The following KIRREL3 variants were observed in gnomAD, a reference collection of about 807,000 sequenced individuals.
The protein encoded by KIRREL3 is kirre like nephrin family adhesion molecule 3.
KIRREL3 carries 36 observed loss-of-function variants against 89.7 expected under a neutral mutation model. The observed-to-expected ratio is 0.40, with a 90% CI of 0.31 to 0.53. The LOEUF is 0.53. Ranked by LOEUF, KIRREL3 falls within the 20% of genes least tolerant of loss-of-function variation. KIRREL3 has a pLI of 0.49. For synonymous variants in KIRREL3, 445 were observed against 441.4 expected, an observed-to-expected ratio of 1.01 and a Z score of -0.10; for missense variants, 864 against 1,056.6, an observed-to-expected ratio of 0.82 and a Z score of 2.53.
rs1179901023 is a variant in KIRREL3 at position 126,985,069 on chromosome 11, T to C, written c.55+15386A>G. 6.6e-6 allele frequency among the ~76,000 whole-genome samples: 1 copy of C among 152,144 alleles called. No homozygotes were observed. Among genetic ancestry groups the C allele is most frequent in the African/African-American group, 2.4e-5 (1 of 41,436 alleles). On this transcript the variant is annotated intron_variant, in intron 1 of 16. Coordinates refer to ENST00000525144, the MANE Select transcript of KIRREL3 (RefSeq NM_032531.4). The surrounding 1 kb of genome is among the most constrained non-coding windows in gnomAD (Gnocchi z 5.3). ...AGTGTTCTGGAACTATGAAATACTA[T>C]ACACATGCAAGGAAGGATTAAATTA...
Position 126,684,156 on chromosome 11 carries a change from G to A in KIRREL3, c.56-121244C>T, listed in dbSNP as rs1946579373. 6.6e-6 allele frequency among the ~76,000 whole-genome samples: 1 copy of A among 152,224 alleles called. No individual in the cohort carries two copies. Among genetic ancestry groups the A allele is most frequent in the African/African-American group, 2.4e-5 (1 of 41,458 alleles). On this transcript the variant is annotated intron_variant, in intron 1 of 16. Transcript: ENST00000525144. The surrounding 1 kb of genome is among the most constrained non-coding windows in gnomAD (Gnocchi z 4.2). ...AGAGCCCTGGAACTGGACTCTCCCT[G>A]TGCAGGGCTGATGGGAAGGAGGTGT...
Position 126,682,005 on chromosome 11 carries a change from T to A in KIRREL3, c.56-119093A>T, listed in dbSNP as rs1565646225. On this transcript the variant is annotated intron_variant, in intron 1 of 16. Transcript: ENST00000525144. This position sits in a 1 kb window ranked among gnomAD's most constrained non-coding sequence, Gnocchi z 4.8. ...TGAGTTTGGGAATCAGGAGACCAGATGTCAAGACTGGACTACATCTTTATA... is the reference window on the plus strand; with the variant it reads ...TGAGTTTGGGAATCAGGAGACCAGAAGTCAAGACTGGACTACATCTTTATA... 1 of 402,580 alleles carries A rather than the reference T, an allele frequency of 2.5e-6. No homozygotes were observed. Among genetic ancestry groups the A allele is most frequent in the Non-Finnish European group, 5.0e-6 (1 of 200,836 alleles). The allele number at this position is 402,580 out of a possible 1,614,324, so 24.9% of individuals were successfully genotyped here.
intron 6 of KIRREL3, among the ~76,000 whole-genome samples, chr11:126,461,168 C>G (rs1473017882): frequency 6.6e-6 from 1 of 152,268 alleles, no homozygotes; most frequent in Admixed American, 6.5e-5. Flanking sequence ...GGCGTAGGCC[C>G]AGCCCACCCA....
rs2135590635 is a variant in KIRREL3 at position 126,424,903 on chromosome 11, C to T, written c.2014G>A (p.Gly672Ser). The T allele has an allele frequency of 6.2e-7, 1 of 1,609,654 alleles. No homozygotes were observed. The highest frequency in any genetic ancestry group is 8.5e-7 in the Non-Finnish European group (1 of 1,176,278). The stretch of plus-strand genomic sequence containing the variant: ...CTGTAGATGTTGGTGAAGGACATGC[C>T]TGTGGGCACACGCTGCTTGCCCGCA... Reference protein sequence around the residue: ...RPAGKQRVPTGMSFTNIYSTL... With the variant: ...RPAGKQRVPTSMSFTNIYSTL... The change falls in exon 17 of 17, where the codon GGC becomes AGC. Residue 672 changes from glycine to serine, a missense_variant. Coordinates refer to ENST00000525144, the MANE Select transcript of KIRREL3 (RefSeq NM_032531.4).
In KIRREL3 at chr11:126,946,395, C is replaced by T. The variant is rs1320534271; in HGVS notation, c.55+54060G>A. Among the ~76,000 whole-genome samples, 1 of 152,168 alleles carries T rather than the reference C, an allele frequency of 6.6e-6. No individual in the cohort carries two copies. On this transcript the variant is annotated intron_variant, in intron 1 of 16. Transcript: ENST00000525144. The surrounding 1 kb of genome is among the most constrained non-coding windows in gnomAD (Gnocchi z 4.1). The stretch of plus-strand genomic sequence containing the variant: ...TCCTCATGCATTGGATCACCTTACT[C>T]AAACCACCTTGGCCTCAGCTTCTTC...
chr11:126,633,085 A>G (rs1944113212), intron 1 of KIRREL3, among the ~76,000 whole-genome samples: 1 of 152,126 alleles, frequency 6.6e-6, no homozygotes, highest in Non-Finnish European at 1.5e-5. Context: ...CTGTCTAAAA[A>G]AAATAAATAA....
chr11:126,456,057 T>TTCTTTTTTTTC (rs147218473), intron 7 of KIRREL3, among the ~76,000 whole-genome samples: 1 of 109,744 alleles, frequency 9.1e-6, no homozygotes, highest in Admixed American at 1.1e-4. Flanking sequence ...TTTTTTTTTT[T>TTCTTTTTTTTC]CCTGAGCCTT....
intron 1 of KIRREL3, among the ~76,000 whole-genome samples, chr11:126,810,677 C>T (rs1261991892): frequency 6.6e-6 from 1 of 152,134 alleles, no homozygotes; most frequent in Non-Finnish European, 1.5e-5. Context: ...GAGGTCTTTA[C>T]ATTGAAGAGG....
intron 1 of KIRREL3, among the ~76,000 whole-genome samples, chr11:126,679,807 T>A (rs1337842620): frequency 6.6e-6 from 1 of 152,198 alleles, no homozygotes; most frequent in African/African-American, 2.4e-5. Context: ...GGGTTGAAAT[T>A]AGTTTAGCTA....
chr11:126,487,701 A>G (rs74636346), intron 4 of KIRREL3, among the ~76,000 whole-genome samples: 14,485 of 152,266 alleles, frequency 0.095, 1,024 homozygotes, highest in Admixed American at 0.2. Flanking sequence ...GTCTGGCCTT[A>G]TAGTTATTTT....
intron 1 of KIRREL3, among the ~76,000 whole-genome samples, chr11:126,821,472 C>T (rs1943225897): frequency 6.6e-6 from 1 of 151,202 alleles, no homozygotes; most frequent in Non-Finnish European, 1.5e-5. Flanking sequence ...ATATGTGTGA[C>T]CTGGGCAAAA....
At chr11:126,619,483 A>G (rs543915252) in intron 1 of KIRREL3, among the ~76,000 whole-genome samples, 34 of 152,344 alleles carry the variant, frequency 2.2e-4, no homozygotes, top group Admixed American at 4.6e-4. Context: ...TTCACATTTT[A>G]AAAAAAGATC....
intron 1 of KIRREL3, among the ~76,000 whole-genome samples, chr11:126,572,567 AG>A (rs1941010030): frequency 2.2e-5 from 1 of 46,488 alleles, no homozygotes; most frequent in Non-Finnish European, 3.9e-5. Flanking sequence ...CAGTGGGAAG[AG>A]GGGACCCCCC....
At chr11:126,632,791 TAA>T (rs755510570) in intron 1 of KIRREL3, among the ~76,000 whole-genome samples, 52 of 48,482 alleles carry the variant, frequency 1.1e-3, no homozygotes, top group Admixed American at 2.8e-3. Flanking sequence ...AGTCTAAACT[TAA>T]AAAAAAAAAA....
chr11:126,451,071 ATGTGTGTGCG>A (rs1187395282), intron 7 of KIRREL3, among the ~76,000 whole-genome samples: 7 of 121,128 alleles, frequency 5.8e-5, no homozygotes, highest in Non-Finnish European at 1.0e-4. Flanking sequence ...ATGCATGTGC[ATGTGTGTGCG>A]TGTGTGCATA....
chr11:126,526,764 C>T lies in KIRREL3; in HGVS notation c.134-77G>A, dbSNP rs868791722. On this transcript the variant is annotated intron_variant, in intron 2 of 16. Coordinates refer to ENST00000525144, the MANE Select transcript of KIRREL3 (RefSeq NM_032531.4). This position sits in a 1 kb window ranked among gnomAD's most constrained non-coding sequence, Gnocchi z 5.7. ...GAAGGCTCCCCTCCAGCTATGGAAG[C>T]AGAGCAGGGCTGGCGCAGGAGACTG... 12 of 1,468,942 alleles carry T rather than the reference C, an allele frequency of 8.2e-6. No individual in the cohort carries two copies. In the Admixed American group the frequency reaches 2.2e-4, roughly 27 times the overall value. The allele number at this position is 1,468,942 out of a possible 1,614,324, so 91.0% of individuals were successfully genotyped here.
At chr11:126,820,128 T>C (rs939524) in intron 1 of KIRREL3, among the ~76,000 whole-genome samples, 3 of 151,814 alleles carry the variant, frequency 2.0e-5, no homozygotes, top group South Asian at 2.1e-4. Context: ...AGCAGAAAAA[T>C]CCCCCTGCCC....
chr11:126,770,166 C>A (rs1949974170), intron 1 of KIRREL3, among the ~76,000 whole-genome samples: 2 of 152,120 alleles, frequency 1.3e-5, no homozygotes, highest in African/African-American at 4.8e-5. Flanking sequence ...TTGGGGGAGC[C>A]TCCCTGCTTC....
intron 1 of KIRREL3, among the ~76,000 whole-genome samples, chr11:126,629,288 G>A (rs1199417314): frequency 6.6e-6 from 1 of 152,184 alleles, no homozygotes; most frequent in Non-Finnish European, 1.5e-5. Flanking sequence ...CAGCCAAGCA[G>A]ATGTCCTCAC....
Sources: allele counts gnomAD v4.1 joint callset (sites outside exome capture counted in the v4.1 genomes callset), GRCh38; gene constraint gnomAD v4.1.1; non-coding constraint Gnocchi (gnomAD v3.1); transcripts MANE v1.5; gene names NCBI Gene and HGNC (gene_info 2026-07-23, HGNC 2026-07-21).